NRP1: variants seen among roughly 807,000 people sequenced by gnomAD.
The protein encoded by NRP1 is neuropilin-1.
Under a neutral mutation model 106.7 loss-of-function variants are expected in NRP1, and 35 were observed. That is an observed-to-expected ratio of 0.33 (90% CI 0.25 to 0.43). The LOEUF (loss-of-function observed/expected upper bound fraction) is 0.43. Ranked by LOEUF, NRP1 falls within the 20% of genes least tolerant of loss-of-function variation. NRP1 has a pLI of 1.00. For missense variants in NRP1, 1,024 were observed against 1,170.4 expected (o/e 0.87, Z 1.83); for synonymous variants, 437 against 417.9 (o/e 1.05, Z -0.56).
intron 6 of NRP1, among the ~76,000 whole-genome samples, chr10:33,226,872 C>A (rs1224996544): frequency 3.3e-5 from 5 of 152,262 alleles, no homozygotes; most frequent in Middle Eastern, 3.4e-3. Flanking sequence ...CAATGTACAT[C>A]TTCTATGTAT....
At chr10:33,256,557 A>G in intron 4 of NRP1, 86 bp from the exon 5 acceptor site, 2 of 1,437,358 alleles carry the variant, frequency 1.4e-6, no homozygotes, top group South Asian at 1.2e-5. Flanking sequence ...GATGGGCCCC[A>G]GTAGAACCCA....
intron 6 of NRP1, among the ~76,000 whole-genome samples, chr10:33,252,630 T>G (rs1198158772): frequency 6.6e-6 from 1 of 151,820 alleles, no homozygotes; most frequent in East Asian, 1.9e-4. Context: ...ACATGCTTAG[T>G]GCTGCAAAAT....
At chr10:33,264,329 A>G (rs2073320) in intron 3 of NRP1, among the ~76,000 whole-genome samples, 97,594 of 152,140 alleles carry the variant, frequency 0.64, 31,929 homozygotes, top group African/African-American at 0.76. Flanking sequence ...TTCCTACACC[A>G]GTGACTCAGT....
intron 6 of NRP1, among the ~76,000 whole-genome samples, chr10:33,231,745 C>T (rs1376015730): frequency 2.0e-5 from 3 of 152,078 alleles, no homozygotes; most frequent in Non-Finnish European, 2.9e-5. Flanking sequence ...AAAAGGTAAA[C>T]AATTTAACAG....
chr10:33,231,482 T>C lies in NRP1; in HGVS notation c.982-5193A>G, dbSNP rs368168539. Among the ~76,000 whole-genome samples the C allele has an allele frequency of 1.1e-3, 174 of 152,342 alleles. 1 individual carries two copies. Among genetic ancestry groups the C allele is most frequent in the African/African-American group, 3.9e-3 (161 of 41,576 alleles). On this transcript the variant is annotated intron_variant, in intron 6 of 16. Coordinates refer to ENST00000374867, the MANE Select transcript of NRP1 (RefSeq NM_003873.7). ...GAAAAATAAGGTCATATTACCTCTA[T>C]GCCTGATAACTGGCTTTATAATGGA...
intron 3 of NRP1, among the ~76,000 whole-genome samples, chr10:33,266,813 T>C (rs747715269): frequency 1.2e-4 from 18 of 152,198 alleles, no homozygotes; most frequent in Non-Finnish European, 2.4e-4. Flanking sequence ...TCATGAGAAC[T>C]GGTTGTTTAA....
chr10:33,281,683 G>C (rs1844142182), intron 2 of NRP1, among the ~76,000 whole-genome samples: 1 of 152,202 alleles, frequency 6.6e-6, no homozygotes, highest in Non-Finnish European at 1.5e-5. Flanking sequence ...ACTTCTGTGA[G>C]TCTCAGTGGC....
chr10:33,263,615 C>T (rs1258411957), intron 4 of NRP1, 31 bp downstream of exon 4: 10 of 1,543,834 alleles, frequency 6.5e-6, no homozygotes, highest in Non-Finnish European at 7.2e-6. Flanking sequence ...CCAGAACCTT[C>T]CCTTTTTGGG....
At chr10:33,262,647 G>C (rs191509848) in intron 4 of NRP1, among the ~76,000 whole-genome samples, 1 of 149,562 alleles carries the variant, frequency 6.7e-6, no homozygotes, top group African/African-American at 2.5e-5. Flanking sequence ...AGGTTGCAGT[G>C]AGCCGAGATT....
At chr10:33,207,391 G>A (rs1165199512) in intron 10 of NRP1, among the ~76,000 whole-genome samples, 181 bp downstream of exon 10, 1 of 151,956 alleles carries the variant, frequency 6.6e-6, no homozygotes, top group Non-Finnish European at 1.5e-5. Context: ...AAGTAGGACT[G>A]TGAAGGTGCT....
At chr10:33,329,178 C>G (rs1848098805) in intron 2 of NRP1, among the ~76,000 whole-genome samples, 1 of 152,134 alleles carries the variant, frequency 6.6e-6, no homozygotes, top group Non-Finnish European at 1.5e-5. Flanking sequence ...TGTTTCCAAG[C>G]AGTCACTGGA....
At chr10:33,333,486 C>G (rs977238278) in intron 1 of NRP1, among the ~76,000 whole-genome samples, 1 of 152,102 alleles carries the variant, frequency 6.6e-6, no homozygotes, top group Non-Finnish European at 1.5e-5. Context: ...CTAAGCCAGA[C>G]AAAAGTAAAT....
At chr10:33,202,107 G>A (rs11009285) in intron 11 of NRP1, 35,740 of 152,148 alleles carry the variant, frequency 0.23, 4,757 homozygotes, top group East Asian at 0.57. Flanking sequence ...TTGAAACTGC[G>A]TTTTGACCCA....
At chr10:33,206,368 G>A (rs1323902404) in intron 10 of NRP1, 1 of 517,660 alleles carries the variant, frequency 1.9e-6, no homozygotes, top group Non-Finnish European at 3.9e-6. Context: ...ATAATTTAGG[G>A]GTTTGGGACA....
rs1164308760 is a variant in NRP1, at chr10:33,263,649, C to G, written c.655G>C (p.Asp219His). 1 of 1,612,806 alleles carries G rather than the reference C, an allele frequency of 6.2e-7. No homozygotes were observed. The highest frequency in any genetic ancestry group is 1.7e-5 in the Admixed American group (1 of 60,008). Residue 219 changes from aspartate (D) to histidine (H), a missense_variant, in exon 4 of 17, where the codon GAT (aspartate) becomes CAT (histidine). By Grantham distance (81) the Asp-to-His change is moderately conservative. Coordinates refer to ENST00000374867, the MANE Select transcript of NRP1 (RefSeq NM_003873.7). ...GGGTGCTTCCTGTCATTCTTACCAT[C>G]AGGGAATCCATCCCAGATTTCTAGC... Reference protein sequence around the residue: ...DRLEIWDGFPDVGPHIGRYCG... With the variant: ...DRLEIWDGFPHVGPHIGRYCG...
intron 6 of NRP1, among the ~76,000 whole-genome samples, chr10:33,238,225 C>T (rs926438159): frequency 6.6e-6 from 1 of 152,244 alleles, no homozygotes; most frequent in African/African-American, 2.4e-5. Flanking sequence ...GCTGCAGCTC[C>T]TATCCTCTGT....
At chr10:33,321,658 G>T (rs909147249) in intron 2 of NRP1, among the ~76,000 whole-genome samples, 1 of 152,152 alleles carries the variant, frequency 6.6e-6, no homozygotes, top group African/African-American at 2.4e-5. Context: ...GCCACTTCCT[G>T]GGTTGCTTGT....
chr10:33,221,658 T>C, intron 8 of NRP1, 61 bp downstream of exon 8: 1 of 1,546,974 alleles, frequency 6.5e-7, no homozygotes, highest in South Asian at 1.1e-5. Flanking sequence ...AAGGTTTGCA[T>C]AAATCAAAAC....
At chr10:33,238,343 A>AC (rs1840743632) in intron 6 of NRP1, among the ~76,000 whole-genome samples, 1 of 152,222 alleles carries the variant, frequency 6.6e-6, no homozygotes, top group Non-Finnish European at 1.5e-5. Flanking sequence ...CTCGCCTCAA[A>AC]CATTTAAGGA....
Sources: allele counts gnomAD v4.1 joint callset (sites outside exome capture counted in the v4.1 genomes callset), GRCh38; gene constraint gnomAD v4.1.1; transcripts MANE v1.5; gene names NCBI Gene and HGNC (gene_info 2026-07-23, HGNC 2026-07-21).